The following TENM1 variants were observed in gnomAD, a reference collection of about 807,000 sequenced individuals.
TENM1 encodes teneurin-1.
TENM1 carries 35 observed loss-of-function variants against 174.8 expected under a neutral mutation model. The observed-to-expected ratio is 0.20, with a 90% CI of 0.15 to 0.27. TENM1 has a LOEUF of 0.27. Ranked by LOEUF, TENM1 falls within the 10% of genes least tolerant of loss-of-function variation. The pLI is 1.00. For missense variants in TENM1, 1,633 were observed against 2,130.1 expected (o/e 0.77, Z 4.59); for synonymous variants, 781 against 798.7 (o/e 0.98, Z 0.37).
chrX:125,105,243 T>C, the TENM1 span, among the ~76,000 whole-genome samples: 4 of 111,588 alleles, frequency 3.6e-5, no homozygotes, highest in South Asian at 1.1e-3. Context: ...TTTACTCCAC[T>C]CTGGTGGAAT....
At chrX:124,620,295 G>C (rs1317527450) in intron 11 of TENM1, among the ~76,000 whole-genome samples, 1 of 110,371 alleles carries the variant, frequency 9.1e-6, no homozygotes, top group African/African-American at 3.3e-5. Flanking sequence ...TAATGTTTTT[G>C]ACCATGATTT....
chrX:125,163,424 G>T, the TENM1 span, among the ~76,000 whole-genome samples: 5 of 110,778 alleles, frequency 4.5e-5, no homozygotes, highest in South Asian at 1.9e-3. Context: ...ATTTAGGTTG[G>T]CTATTAGGAA....
intron 3 of TENM1, among the ~76,000 whole-genome samples, chrX:124,742,632 A>G (rs939434637): frequency 9.0e-6 from 1 of 110,945 alleles, no homozygotes; most frequent in Admixed American, 9.7e-5. Context: ...GGGTGAGTGT[A>G]TATATAATAT....
chrX:124,864,933 G>C (rs2056975788), intron 3 of TENM1, among the ~76,000 whole-genome samples: 1 of 111,206 alleles, frequency 9.0e-6, no homozygotes, highest in Non-Finnish European at 1.9e-5. Flanking sequence ...AGTGGAAATT[G>C]TACAGGTCAG....
chrX:124,566,569 C>T (rs2048946897), intron 11 of TENM1, among the ~76,000 whole-genome samples: 1 of 112,241 alleles, frequency 8.9e-6, no homozygotes, highest in Non-Finnish European at 1.9e-5. Flanking sequence ...CCACATATTC[C>T]TGAAAGGAAA....
chrX:124,837,828 A>G (rs1046068165), intron 3 of TENM1, among the ~76,000 whole-genome samples: 3 of 112,603 alleles, frequency 2.7e-5, no homozygotes, highest in East Asian at 2.8e-4. Context: ...GAGTTTTGCA[A>G]TATTGCAGAG....
chrX:124,528,502 G>A (rs1306366986), intron 16 of TENM1, among the ~76,000 whole-genome samples: 1 of 110,753 alleles, frequency 9.0e-6, no homozygotes, highest in African/African-American at 3.3e-5. Context: ...TCAATTTGTG[G>A]CATATGGTTG....
At chrX:124,598,258 G>A (rs900934508) in intron 11 of TENM1, among the ~76,000 whole-genome samples, 3 of 111,154 alleles carry the variant, frequency 2.7e-5, no homozygotes, top group African/African-American at 9.8e-5. Flanking sequence ...TGGACAAAAG[G>A]GAACCCTAGC....
At chrX:124,999,009 A>G in the TENM1 span, among the ~76,000 whole-genome samples, 1 of 111,466 alleles carries the variant, frequency 9.0e-6, no homozygotes, top group African/African-American at 3.2e-5. Context: ...AACTAGGTCA[A>G]ATGAAGTGCG....
chrX:124,909,361 T>C (rs1422493959), intron 1 of TENM1, among the ~76,000 whole-genome samples: 2 of 111,699 alleles, frequency 1.8e-5, no homozygotes, highest in African/African-American at 6.5e-5. Context: ...TGGCGGATGC[T>C]AGAACTTCCT....
chrX:124,495,232 G>A lies in TENM1; in HGVS notation c.3695+1784C>T, dbSNP rs1269221629. On this transcript the variant is annotated intron_variant, in intron 20 of 31. Transcript: ENST00000422452. ...AACTGGTGTGAGATGGTATCTCATT[G>A]TGGTTTTGATTTGCATTTCTCTGAT... Among the ~76,000 whole-genome samples the A allele has an allele frequency of 6.9e-5, 7 of 101,391 alleles. No homozygotes were observed. In the East Asian group the frequency reaches 2.3e-3, roughly 33 times the overall value. 88.0% of individuals were successfully genotyped at this position (101,391 alleles called of 115,157 possible). A position where few individuals can be genotyped will look rare whatever the true frequency, so the allele number is the denominator to read the frequency against.
chrX:124,838,874 A>G (rs145430485), intron 3 of TENM1, among the ~76,000 whole-genome samples: 2,006 of 111,265 alleles, frequency 0.018, 20 homozygotes, highest in Middle Eastern at 0.065. Flanking sequence ...TACGGAAATG[A>G]ATACAATTAC....
At chrX:125,165,125 CCTT>C in the TENM1 span, among the ~76,000 whole-genome samples, 1 of 111,877 alleles carries the variant, frequency 8.9e-6, no homozygotes, top group Non-Finnish European at 1.9e-5. Flanking sequence ...TCAAAATAAA[CCTT>C]CTCTATTAAT....
chrX:124,392,121 G>A, exon 28 of TENM1: 1 of 1,210,316 alleles, frequency 8.3e-7, no homozygotes, highest in Non-Finnish European at 1.1e-6. Flanking sequence ...TCCCACTCTG[G>A]TCATATTCCA....
chrX:124,455,432 T>G (rs1015383597), intron 22 of TENM1, among the ~76,000 whole-genome samples: 2 of 112,134 alleles, frequency 1.8e-5, no homozygotes, highest in Non-Finnish European at 3.8e-5. Flanking sequence ...CAACATCAAT[T>G]TCTTGATTGC....
At chrX:125,001,185 A>C in the TENM1 span, among the ~76,000 whole-genome samples, 5 of 110,909 alleles carry the variant, frequency 4.5e-5, no homozygotes, top group African/African-American at 1.3e-4. Context: ...AGAAAAGTGA[A>C]TAATGTGAAT....
the TENM1 span, among the ~76,000 whole-genome samples, chrX:125,011,453 C>T: frequency 9.0e-6 from 1 of 111,648 alleles, no homozygotes; most frequent in Admixed American, 9.5e-5. Context: ...GTCTAATATC[C>T]AGAATCTACA....
chrX:124,898,089 A>T (rs1313725896), intron 1 of TENM1, among the ~76,000 whole-genome samples: 1 of 112,029 alleles, frequency 8.9e-6, no homozygotes, highest in Non-Finnish European at 1.9e-5. Flanking sequence ...TCACTCCCCT[A>T]GAACAGTGGC....
At chrX:124,862,698 A>G (rs1371940073) in intron 3 of TENM1, among the ~76,000 whole-genome samples, 6 of 110,293 alleles carry the variant, frequency 5.4e-5, no homozygotes, top group Admixed American at 2.9e-4. Flanking sequence ...TCTAGGCCAT[A>G]AGGACTGCAA....
Sources: allele counts gnomAD v4.1 joint callset (sites outside exome capture counted in the v4.1 genomes callset), GRCh38; gene constraint gnomAD v4.1.1; transcripts MANE v1.5; gene names NCBI Gene and HGNC (gene_info 2026-07-23, HGNC 2026-07-21).